PIK3R3: variants seen among roughly 807,000 people sequenced by gnomAD.
PIK3R3 encodes the protein phosphoinositide-3-kinase regulatory subunit 3, also known as phosphatidylinositol 3-kinase regulatory subunit gamma.
A neutral mutation model predicts 62.9 loss-of-function variants in PIK3R3; 64 were observed. That is an observed-to-expected ratio of 1.02 (90% CI 0.83 to 1.25). The LOEUF is 1.25. Among genes scored for constraint, PIK3R3 ranks in the 50% most tolerant of loss-of-function variants. The pLI is 0.00. For synonymous variants in PIK3R3, 165 were observed against 189.0 expected, an observed-to-expected ratio of 0.87 and a Z score of 1.04; for missense variants, 614 against 561.6, an observed-to-expected ratio of 1.09 and a Z score of -0.94.
intron 1 of PIK3R3, among the ~76,000 whole-genome samples, chr1:46,094,068 C>CAAA (rs1021764796): frequency 8.5e-6 from 1 of 117,444 alleles, no homozygotes; most frequent in Non-Finnish European, 1.8e-5. Flanking sequence ...GACCCTGTCT[C>CAAA]AAAAAAAAAA....
chr1:46,131,023 A>G (rs1218478179), intron 1 of PIK3R3, among the ~76,000 whole-genome samples: 2 of 152,258 alleles, frequency 1.3e-5, no homozygotes, highest in Non-Finnish European at 2.9e-5. Flanking sequence ...ATAGTGCTAT[A>G]TATGTATACT....
At position 46,043,806 on chromosome 1, in the gene PIK3R3, G is replaced by A. The variant is rs747890129; in HGVS notation, c.1253C>T (p.Pro418Leu). The change falls in exon 10 of 10, where the codon CCC becomes CTC. Residue 418 changes from proline (P) to leucine (L), a missense_variant. Coordinates refer to ENST00000262741, the MANE Select transcript of PIK3R3 (RefSeq NM_003629.4). ...CTTCAGAGAGCTGTACAGGTTGTAGGGCTCTGCAAAGCCATAGCCCCGAGC... is the reference window on the plus strand; with the variant it reads ...CTTCAGAGAGCTGTACAGGTTGTAGAGCTCTGCAAAGCCATAGCCCCGAGC... ...STARGYGFAE[P>L]YNLYSSLKEL... 2 of 1,614,042 alleles carry A rather than the reference G, an allele frequency of 1.2e-6. No homozygotes were observed. Among genetic ancestry groups the A allele is most frequent in the South Asian group, 1.1e-5 (1 of 91,074 alleles).
intron 1 of PIK3R3, among the ~76,000 whole-genome samples, chr1:46,105,664 T>C (rs904564960): frequency 4.7e-5 from 7 of 149,976 alleles, no homozygotes; most frequent in South Asian, 2.1e-4. Flanking sequence ...CTACTAAAGA[T>C]AGAAAAATCA....
chr1:46,053,737 T>C (rs1192338216), intron 7 of PIK3R3, among the ~76,000 whole-genome samples: 4 of 152,210 alleles, frequency 2.6e-5, no homozygotes, highest in Admixed American at 6.5e-5. Context: ...ATTTTTTTTA[T>C]AGCAGCCTAA....
the PIK3R3 span, chr1:46,138,849 AC>A: frequency 6.6e-6 from 1 of 152,228 alleles, no homozygotes; most frequent in Non-Finnish European, 1.5e-5. Flanking sequence ...TGATACACTT[AC>A]AGTGATTTTC....
In PIK3R3 at chr1:46,059,446, C is replaced by T. The variant is rs899534448; in HGVS notation, c.764+2483G>A. Among the ~76,000 whole-genome samples the T allele has an allele frequency of 4.6e-5, 7 of 152,330 alleles. No homozygotes were observed. The South Asian group carries it at 6.2e-4, about 14-fold the overall frequency. On this transcript the variant is annotated intron_variant, in intron 6 of 9. Coordinates refer to ENST00000262741, the MANE Select transcript of PIK3R3 (RefSeq NM_003629.4). ...AGCTATAAGCTTTTCCAACACACAA[C>T]GTTTTGCTATACTCTGAACCCTTAT...
At chr1:46,127,150 C>T (rs1209634717) in intron 1 of PIK3R3, among the ~76,000 whole-genome samples, 1 of 152,036 alleles carries the variant, frequency 6.6e-6, no homozygotes, top group East Asian at 1.9e-4. Context: ...GCCTAGGCAA[C>T]ATGGCAAAAC....
chr1:46,139,145 A>T, the PIK3R3 span: 1 of 152,214 alleles, frequency 6.6e-6, no homozygotes, highest in Non-Finnish European at 1.5e-5. Context: ...CAGGAAGAAC[A>T]GTTCAAAATG....
At chr1:46,141,753 C>A in the PIK3R3 span, among the ~76,000 whole-genome samples, 1 of 152,202 alleles carries the variant, frequency 6.6e-6, no homozygotes, top group African/African-American at 2.4e-5. Flanking sequence ...TAACCATTTT[C>A]TCCCAGTGTC....
At chr1:46,108,788 A>G (rs1433271189) in intron 1 of PIK3R3, among the ~76,000 whole-genome samples, 3 of 152,136 alleles carry the variant, frequency 2.0e-5, no homozygotes, top group Non-Finnish European at 4.4e-5. Flanking sequence ...ATCAAATCAC[A>G]CAGCCCTAAA....
intron 1 of PIK3R3, among the ~76,000 whole-genome samples, chr1:46,106,413 T>C (rs1557616323): frequency 6.6e-6 from 1 of 152,206 alleles, no homozygotes. Flanking sequence ...GCCTCAACCA[T>C]TAAATCCTTT....
the PIK3R3 span, among the ~76,000 whole-genome samples, chr1:46,162,239 T>G: frequency 6.6e-6 from 1 of 152,092 alleles, no homozygotes; most frequent in Non-Finnish European, 1.5e-5. Flanking sequence ...ATCCCAGCAC[T>G]TTGGGAGGCC....
At chr1:46,065,905 G>A (rs146867451) in intron 5 of PIK3R3, 149 bp downstream of exon 5, 233 of 682,598 alleles carry the variant, frequency 3.4e-4, no homozygotes, top group African/African-American at 2.1e-3. Flanking sequence ...ATTAAGAAGG[G>A]AGGGGAATTT....
chr1:46,054,266 T>C (rs1229006952), intron 7 of PIK3R3, among the ~76,000 whole-genome samples: 2 of 151,846 alleles, frequency 1.3e-5, no homozygotes, highest in African/African-American at 4.8e-5. Flanking sequence ...TGGTGGTGCA[T>C]GCCTGTATTC....
intron 7 of PIK3R3, among the ~76,000 whole-genome samples, chr1:46,048,901 A>G (rs1008050024): frequency 6.6e-6 from 1 of 152,150 alleles, no homozygotes; most frequent in Non-Finnish European, 1.5e-5. Context: ...TTTAAAAACC[A>G]TTTTCAAAAA....
At chr1:46,149,160 C>T in the PIK3R3 span, among the ~76,000 whole-genome samples, 10 of 152,112 alleles carry the variant, frequency 6.6e-5, no homozygotes, top group South Asian at 2.1e-4. Flanking sequence ...AAGTGGCTCA[C>T]GCCTGTAATC....
intron 2 of PIK3R3, among the ~76,000 whole-genome samples, chr1:46,079,861 G>A (rs996893157): frequency 6.8e-6 from 1 of 147,916 alleles, no homozygotes. Context: ...GGCTGAGGCA[G>A]GAGAATCGCT....
intron 3 of PIK3R3, among the ~76,000 whole-genome samples, chr1:46,071,010 A>G (rs1004359414): frequency 6.6e-6 from 1 of 152,202 alleles, no homozygotes; most frequent in African/African-American, 2.4e-5. Flanking sequence ...TACTCTCTGC[A>G]GTCTGGTTTT....
chr1:46,066,285 T>G, intron 4 of PIK3R3, 106 bp from the exon 5 acceptor site: 2 of 736,072 alleles, frequency 2.7e-6, no homozygotes, highest in Non-Finnish European at 4.4e-6. Context: ...CAACCATCTA[T>G]TAAACTATAT....
Sources: allele counts gnomAD v4.1 joint callset (sites outside exome capture counted in the v4.1 genomes callset), GRCh38; gene constraint gnomAD v4.1.1; transcripts MANE v1.5; gene names NCBI Gene and HGNC (gene_info 2026-07-23, HGNC 2026-07-21).